The following CSE1L variants were observed in gnomAD, a reference collection of about 807,000 sequenced individuals.
The protein encoded by CSE1L is exportin-2.
Under a neutral mutation model 120.4 loss-of-function variants are expected in CSE1L, and 24 were observed. The observed-to-expected ratio is 0.20, with a 90% CI of 0.14 to 0.28. CSE1L has a LOEUF of 0.28. CSE1L is among the 10% of genes least tolerant of loss of function. The pLI is 1.00. For missense variants in CSE1L, 830 were observed against 1,145.2 expected, an observed-to-expected ratio of 0.72 and a Z score of 3.97; for synonymous variants, 402 against 398.3, an observed-to-expected ratio of 1.01 and a Z score of -0.11.
rs1387746383 is a variant in CSE1L, at chr20:49,087,992, G to T, written c.1724-17G>T. 1 of 1,533,012 alleles carries T rather than the reference G, an allele frequency of 6.5e-7. No individual in the cohort carries two copies. Among genetic ancestry groups the T allele is most frequent in the Admixed American group, 1.9e-5 (1 of 53,060 alleles). 95.0% of individuals were successfully genotyped at this position (1,533,012 alleles called of 1,614,324 possible). Reference sequence around the variant, plus strand: ...TAACTAAACTCTATTTGTTTTTGCTGTTTTTGTATTTTACAGCTATCATGA... The same window carrying T: ...TAACTAAACTCTATTTGTTTTTGCTTTTTTTGTATTTTACAGCTATCATGA... On this transcript the variant is annotated splice_polypyrimidine_tract_variant and intron_variant, in intron 16 of 24. Coordinates refer to ENST00000262982, the MANE Select transcript of CSE1L (RefSeq NM_001316.4).
chr20:49,084,890 C>T (rs2092042371), intron 15 of CSE1L, among the ~76,000 whole-genome samples: 1 of 152,110 alleles, frequency 6.6e-6, no homozygotes, highest in African/African-American at 2.4e-5. Flanking sequence ...GTGAGTCAAG[C>T]CAGTACCTAT....
At position 49,096,711 on chromosome 20, in the gene CSE1L, C is replaced by T. The variant is rs973165456; in HGVS notation, c.*273C>T. The stretch of plus-strand genomic sequence containing the variant: ...CGTTGGTTTGTGTTGAGCGTTTGCA[C>T]GGTTTGGATAATCTTAAATTTTGAC... On this transcript the variant is annotated 3_prime_UTR_variant, in exon 25 of 25. Coordinates refer to ENST00000262982, the MANE Select transcript of CSE1L (RefSeq NM_001316.4). The T allele has an allele frequency of 2.3e-5, 9 of 385,488 alleles. No homozygotes were observed. Among genetic ancestry groups the T allele is most frequent in the African/African-American group, 6.2e-5 (3 of 48,346 alleles). The allele number at this position is 385,488 out of a possible 1,614,324, so 23.9% of individuals were successfully genotyped here. A position where few individuals can be genotyped will look rare whatever the true frequency, so the allele number is the denominator to read the frequency against.
At chr20:49,053,080 CAGG>C (rs1377366967) in intron 1 of CSE1L, among the ~76,000 whole-genome samples, 1 of 151,498 alleles carries the variant, frequency 6.6e-6, no homozygotes, top group East Asian at 1.9e-4. Flanking sequence ...GAGGCTGAGG[CAGG>C]AGGATTGTTT....
chr20:49,063,052 A>G (rs1253554473), intron 2 of CSE1L, 150 bp from the exon 3 acceptor site: 1 of 305,106 alleles, frequency 3.3e-6, no homozygotes, highest in Non-Finnish European at 5.7e-6. Flanking sequence ...TATATAATCC[A>G]CTTAATAGAT....
intron 16 of CSE1L, among the ~76,000 whole-genome samples, chr20:49,086,322 A>G (rs942885357): frequency 4.0e-5 from 6 of 149,068 alleles, no homozygotes; most frequent in South Asian, 2.1e-4. Flanking sequence ...TCCCCCAACA[A>G]TGATGTATAA....
At chr20:49,094,653 G>C in intron 23 of CSE1L, 79 bp from the exon 24 acceptor site, 1 of 927,020 alleles carries the variant, frequency 1.1e-6, no homozygotes, top group Non-Finnish European at 1.7e-6. Flanking sequence ...CTGTAATTTT[G>C]TGTCTCTGAG....
At chr20:49,066,542 A>G (rs374181505) in intron 5 of CSE1L, 32 bp downstream of exon 5, 311 of 1,566,858 alleles carry the variant, frequency 2.0e-4, no homozygotes, top group Non-Finnish European at 2.5e-4. Flanking sequence ...TTTTTAAAAT[A>G]CTTTCTAAAG....
At chr20:49,082,475 AT>A (rs2092020975) in intron 14 of CSE1L, among the ~76,000 whole-genome samples, 2 of 151,838 alleles carry the variant, frequency 1.3e-5, no homozygotes, top group South Asian at 4.2e-4. Context: ...TATAAATGAC[AT>A]CATACTATGG....
In CSE1L at chr20:49,084,007, ATAT is replaced by A; in HGVS notation, c.1483-14_1483-12del. ...TGGAATCATTGCATTTAGAGCATGT[ATAT>A]TATTGTGTTTTTTAGGTGCCAAAAG... On this transcript the variant is annotated splice_polypyrimidine_tract_variant and intron_variant, in intron 14 of 24. Coordinates refer to ENST00000262982, the MANE Select transcript of CSE1L (RefSeq NM_001316.4). 3.1e-6 allele frequency: 5 copies of A among 1,608,082 alleles called. No individual in the cohort carries two copies. The highest frequency in any genetic ancestry group is 4.3e-6 in the Non-Finnish European group (5 of 1,174,974).
In CSE1L at chr20:49,060,470, C is replaced by G. The variant is rs6095416; in HGVS notation, c.85+1922C>G. 4.0e-3 allele frequency among the ~76,000 whole-genome samples: 557 copies of G among 139,466 alleles called. 6 individuals are homozygous for G. Among genetic ancestry groups the G allele is most frequent in the African/African-American group, 0.013 (525 of 39,910 alleles). 91.5% of individuals were successfully genotyped at this position (139,466 alleles called of 152,430 possible). A position where few individuals can be genotyped will look rare whatever the true frequency, so the allele number is the denominator to read the frequency against. On this transcript the variant is annotated intron_variant, in intron 2 of 24. Transcript: ENST00000262982. ...CCAGCCTGGTGACAGAGCAAGACTCCGTCTCAAAAGAAAAAAAAAAATTGG... is the reference window on the plus strand; with the variant it reads ...CCAGCCTGGTGACAGAGCAAGACTCGGTCTCAAAAGAAAAAAAAAAATTGG...
At chr20:49,072,242 G>C (rs749406556) in intron 8 of CSE1L, 44 bp from the exon 9 acceptor site, 2 of 1,596,090 alleles carry the variant, frequency 1.3e-6, no homozygotes, top group Non-Finnish European at 1.7e-6. Flanking sequence ...ACTTATGTTA[G>C]CATTAGAGTT....
At chr20:49,078,871 A>G (rs1337178539) in intron 14 of CSE1L, among the ~76,000 whole-genome samples, 1 of 152,150 alleles carries the variant, frequency 6.6e-6, no homozygotes, top group African/African-American at 2.4e-5. Flanking sequence ...AAGTCTCTTA[A>G]TTTACAATAG....
At chr20:49,087,445 C>T (rs937007049) in intron 16 of CSE1L, among the ~76,000 whole-genome samples, 2 of 150,398 alleles carry the variant, frequency 1.3e-5, no homozygotes, top group African/African-American at 4.9e-5. Flanking sequence ...GCAACCTCCA[C>T]TTCCCAGGTT....
At chr20:49,056,012 A>T (rs551987793) in intron 1 of CSE1L, among the ~76,000 whole-genome samples, 2 of 151,724 alleles carry the variant, frequency 1.3e-5, no homozygotes, top group South Asian at 4.1e-4. Context: ...AATTTGGTGC[A>T]TGATTTCCCT....
chr20:49,058,593 A>G (rs771797256), intron 2 of CSE1L, 45 bp downstream of exon 2: 3 of 1,457,356 alleles, frequency 2.1e-6, no homozygotes, highest in Non-Finnish European at 2.9e-6. Flanking sequence ...CCTTCAGGAC[A>G]GGTGAGAGAA....
chr20:49,093,456 T>C (rs1463407910), intron 22 of CSE1L, among the ~76,000 whole-genome samples: 4 of 152,124 alleles, frequency 2.6e-5, no homozygotes, highest in African/African-American at 9.7e-5. Context: ...TTTATGTACC[T>C]GCAGGTATGT....
chr20:49,094,365 T>C, intron 23 of CSE1L, 79 bp downstream of exon 23: 1 of 1,373,128 alleles, frequency 7.3e-7, no homozygotes, highest in Non-Finnish European at 1.0e-6. Flanking sequence ...GCTTATTCTC[T>C]TGGGGGCCAA....
rs749632554 is a variant in CSE1L, at chr20:49,067,195, G to A, written c.482G>A (p.Arg161His). 2.5e-6 allele frequency: 4 copies of A among 1,600,914 alleles called. No homozygotes were observed. The highest frequency in any genetic ancestry group is 1.7e-6 in the Non-Finnish European group (2 of 1,171,518). Residue 161 changes from arginine to histidine, a missense_variant, in exon 6 of 25, where the codon CGT becomes CAT. Arg to His is a conservative substitution (Grantham distance 29). This residue lies in a region of CSE1L where 543 missense variants were observed against 640.2 expected (regional missense o/e 0.85). Transcript: ENST00000262982. ...GTTTTACCTTAATTTTCTAGATACCGTCATGAATTTAAGTCAAACGAGTTA... is the reference window on the plus strand; with the variant it reads ...GTTTTACCTTAATTTTCTAGATACCATCATGAATTTAAGTCAAACGAGTTA... Reference protein sequence around the residue: ...RTAHSLFKRYRHEFKSNELWT... With the variant: ...RTAHSLFKRYHHEFKSNELWT...
chr20:49,059,402 T>C (rs1313549121), intron 2 of CSE1L, among the ~76,000 whole-genome samples: 1 of 152,000 alleles, frequency 6.6e-6, no homozygotes, highest in Non-Finnish European at 1.5e-5. Context: ...ATGAGGGAGA[T>C]AGGCCAAGTG....
Sources: allele counts gnomAD v4.1 joint callset (sites outside exome capture counted in the v4.1 genomes callset), GRCh38; gene constraint gnomAD v4.1.1; regional missense constraint gnomAD v4.1.1; transcripts MANE v1.5; gene names NCBI Gene and HGNC (gene_info 2026-07-23, HGNC 2026-07-21).